LSAMP: variants seen among roughly 807,000 people sequenced by gnomAD.
The protein encoded by LSAMP is limbic system associated membrane protein.
In LSAMP, 7 loss-of-function variants were observed where a neutral mutation model predicts 38.6. That is an observed-to-expected ratio of 0.18 (90% CI 0.10 to 0.34). The LOEUF (loss-of-function observed/expected upper bound fraction) is 0.34. Ranked by LOEUF, LSAMP falls within the 10% of genes least tolerant of loss-of-function variation. The probability of loss-of-function intolerance (pLI) is 1.00; values close to 1 mark genes in which losing one functional copy is unlikely to be tolerated. For missense variants in LSAMP, 313 were observed against 420.0 expected, an observed-to-expected ratio of 0.75 and a Z score of 2.23; for synonymous variants, 154 against 166.8, an observed-to-expected ratio of 0.92 and a Z score of 0.59.
chr3:116,105,559 G>T (rs1479688686), intron 1 of LSAMP, among the ~76,000 whole-genome samples: 1 of 152,098 alleles, frequency 6.6e-6, no homozygotes, highest in Non-Finnish European at 1.5e-5. Flanking sequence ...AGGGGCGGGG[G>T]TCACAAGGTG....
chr3:116,413,049 A>T (rs1042926167), intron 1 of LSAMP, among the ~76,000 whole-genome samples: 20 of 152,076 alleles, frequency 1.3e-4, no homozygotes, highest in Non-Finnish European at 2.8e-4. Context: ...TGTTAGATAT[A>T]TAAATTATTG....
chr3:116,392,203 A>G (rs953801478), intron 1 of LSAMP, among the ~76,000 whole-genome samples: 2 of 152,100 alleles, frequency 1.3e-5, no homozygotes, highest in Non-Finnish European at 2.9e-5. Context: ...AGCCCTGCCC[A>G]TTTTGAGTTG....
chr3:116,422,149 CATT>C (rs986040780), intron 1 of LSAMP, among the ~76,000 whole-genome samples: 2 of 152,190 alleles, frequency 1.3e-5, no homozygotes, highest in African/African-American at 4.8e-5. Flanking sequence ...ATCTCAAAAA[CATT>C]ATGCTAAGGC....
At chr3:116,377,609 C>T (rs773474004) in intron 1 of LSAMP, among the ~76,000 whole-genome samples, 17 of 151,922 alleles carry the variant, frequency 1.1e-4, no homozygotes, top group Admixed American at 2.6e-4. Flanking sequence ...AATTGGATTG[C>T]TGGGTTAAAT....
chr3:115,908,083 A>G (rs1172648511), intron 3 of LSAMP, among the ~76,000 whole-genome samples: 2 of 148,668 alleles, frequency 1.3e-5, no homozygotes, highest in Admixed American at 6.7e-5. Context: ...GGAAGATAAG[A>G]AAGATATATA....
At chr3:116,245,168 G>T (rs920756926) in intron 1 of LSAMP, among the ~76,000 whole-genome samples, 1 of 152,122 alleles carries the variant, frequency 6.6e-6, no homozygotes, top group African/African-American at 2.4e-5. Context: ...AGGAGACAAG[G>T]ACTCAGACCT....
intron 1 of LSAMP, among the ~76,000 whole-genome samples, chr3:116,376,305 T>C (rs1177105334): frequency 6.6e-6 from 1 of 152,070 alleles, no homozygotes; most frequent in Non-Finnish European, 1.5e-5. Flanking sequence ...ACAAAAACTT[T>C]GTGTCTCTTA....
At position 115,852,475 on chromosome 3, in the gene LSAMP, G is replaced by T; in HGVS notation, c.649+8C>A. On this transcript the variant is annotated splice_region_variant and intron_variant, in intron 4 of 6. Transcript: ENST00000490035. Reference sequence around the variant, plus strand: ...CACCTAGCACCTGCTGGCTCCTGCCGTACTCACAGTTCACAGTGACCTTGA... The same window carrying T: ...CACCTAGCACCTGCTGGCTCCTGCCTTACTCACAGTTCACAGTGACCTTGA... 1 of 1,606,916 alleles carries T rather than the reference G, an allele frequency of 6.2e-7. No individual in the cohort carries two copies. The highest frequency in any genetic ancestry group is 8.5e-7 in the Non-Finnish European group (1 of 1,176,856).
chr3:116,432,607 A>T (rs2049296128), intron 1 of LSAMP, among the ~76,000 whole-genome samples: 1 of 152,088 alleles, frequency 6.6e-6, no homozygotes, highest in Non-Finnish European at 1.5e-5. Context: ...TTCTATCTAT[A>T]ACTTCTGGCA....
chr3:116,269,888 T>C (rs1384090057), intron 1 of LSAMP, among the ~76,000 whole-genome samples: 1 of 152,184 alleles, frequency 6.6e-6, no homozygotes, highest in Non-Finnish European at 1.5e-5. Flanking sequence ...GCATACCTTA[T>C]ATTGTACAAT....
At chr3:115,971,979 C>T (rs1041053927) in intron 3 of LSAMP, among the ~76,000 whole-genome samples, 2 of 151,962 alleles carry the variant, frequency 1.3e-5, no homozygotes, top group African/African-American at 2.4e-5. Flanking sequence ...TCCTATAAAT[C>T]CTATACATCT....
chr3:116,277,349 A>G (rs954899653), intron 1 of LSAMP, among the ~76,000 whole-genome samples: 1 of 151,582 alleles, frequency 6.6e-6, no homozygotes, highest in African/African-American at 2.4e-5. Flanking sequence ...TTCTTTGAAT[A>G]TAAGAATTCA....
At chr3:116,172,719 C>A (rs1710232060) in intron 1 of LSAMP, among the ~76,000 whole-genome samples, 1 of 151,926 alleles carries the variant, frequency 6.6e-6, no homozygotes, top group African/African-American at 2.4e-5. Context: ...GAAATATAAG[C>A]ACCTAATTTC....
chr3:116,203,207 A>G lies in LSAMP; in HGVS notation c.156-116651T>C, dbSNP rs547432521. ...ACGTTTGTCTTATTCCTGATACGCA[A>G]GGCAATATTTAATTTCACCATTAGG... On this transcript the variant is annotated intron_variant, in intron 1 of 6. Coordinates refer to ENST00000490035, the MANE Select transcript of LSAMP (RefSeq NM_002338.5). Among the ~76,000 whole-genome samples, 23 of 152,278 alleles carry G rather than the reference A, an allele frequency of 1.5e-4. No homozygotes were observed. In the East Asian group the frequency reaches 3.9e-3, roughly 26 times the overall value.
intron 1 of LSAMP, among the ~76,000 whole-genome samples, chr3:116,298,433 A>G (rs1428749256): frequency 6.6e-6 from 1 of 152,162 alleles, no homozygotes; most frequent in African/African-American, 2.4e-5. Context: ...AGGGGGAAAA[A>G]AAAAACTGGG....
At chr3:116,418,778 T>C (rs2049084796) in intron 1 of LSAMP, among the ~76,000 whole-genome samples, 1 of 152,176 alleles carries the variant, frequency 6.6e-6, no homozygotes, top group Non-Finnish European at 1.5e-5. Flanking sequence ...AATAGATAGA[T>C]AGATATCTTA....
At chr3:116,423,176 G>A (rs967528401) in intron 1 of LSAMP, among the ~76,000 whole-genome samples, 13 of 152,240 alleles carry the variant, frequency 8.5e-5, no homozygotes, top group African/African-American at 2.9e-4. Context: ...AATTAGTTTC[G>A]TGTATCTTTA....
chr3:115,989,189 C>T (rs377114240), intron 3 of LSAMP, among the ~76,000 whole-genome samples: 39 of 152,200 alleles, frequency 2.6e-4, no homozygotes, highest in East Asian at 9.6e-4. Flanking sequence ...GAATAGCTTA[C>T]GTCCTGTGTA....
intron 1 of LSAMP, among the ~76,000 whole-genome samples, chr3:116,194,226 C>T (rs1436409224): frequency 1.3e-5 from 2 of 152,088 alleles, no homozygotes; most frequent in African/African-American, 4.8e-5. Flanking sequence ...ATGCTCATGG[C>T]TCCCATGGGA....
Sources: gnomAD v4.1 joint callset for allele counts (sites outside exome capture counted in the v4.1 genomes callset) on GRCh38, gnomAD v4.1.1 for gene constraint, MANE v1.5 for transcripts, NCBI Gene and HGNC (gene_info 2026-07-23, HGNC 2026-07-21) for gene names.